Variants in NRXN1 observed in about 807,000 individuals in gnomAD.
NRXN1 encodes the protein neurexin 1.
In NRXN1, 39 loss-of-function variants were observed where a neutral mutation model predicts 150.9. The observed-to-expected ratio is 0.26, with a 90% CI of 0.20 to 0.34. NRXN1 has a LOEUF of 0.34. Ranked by LOEUF, NRXN1 falls within the 10% of genes least tolerant of loss-of-function variation. The pLI is 1.00. For synonymous variants in NRXN1, 924 were observed against 757.0 expected (o/e 1.22, Z -3.62); for missense variants, 1,815 against 1,949.9 (o/e 0.93, Z 1.30).
At position 50,375,980 on chromosome 2, in the gene NRXN1, G is replaced by A. The variant is rs538410403; in HGVS notation, c.3364+89462C>T. Among the ~76,000 whole-genome samples the A allele has an allele frequency of 1.7e-3, 259 of 151,672 alleles. 2 individuals are homozygous for A. Among genetic ancestry groups the A allele is most frequent in the Non-Finnish European group, 3.2e-3 (220 of 67,880 alleles). Reference sequence around the variant, plus strand: ...AGAACGATATAGTCTTAGCTCTGGAGGACAAAATATTCTCTACTTGGACCC... The same window carrying A: ...AGAACGATATAGTCTTAGCTCTGGAAGACAAAATATTCTCTACTTGGACCC... On this transcript the variant is annotated intron_variant, in intron 17 of 22. Transcript: ENST00000401669.
intron 17 of NRXN1, among the ~76,000 whole-genome samples, chr2:50,380,686 A>C (rs190307330): frequency 6.6e-6 from 1 of 152,222 alleles, no homozygotes; most frequent in Non-Finnish European, 1.5e-5. Context: ...TGCACTCAAT[A>C]AATGATAGCA....
chr2:50,418,800 C>T lies in NRXN1; in HGVS notation c.3364+46642G>A, dbSNP rs184792707. Among the ~76,000 whole-genome samples, 592 of 151,840 alleles carry T rather than the reference C, an allele frequency of 3.9e-3. 5 individuals carry two copies. Among genetic ancestry groups the T allele is most frequent in the African/African-American group, 0.013 (551 of 41,436 alleles). On this transcript the variant is annotated intron_variant, in intron 17 of 22. Transcript: ENST00000401669. The stretch of plus-strand genomic sequence containing the variant: ...CATATATTTTTAAATACCTTAGATG[C>T]TATAGTAATAAAAATATTAAAATAT...
Position 50,250,944 on chromosome 2 carries a change from T to C in NRXN1, c.3365-13974A>G, listed in dbSNP as rs202198778. On this transcript the variant is annotated intron_variant, in intron 17 of 22. Transcript: ENST00000401669. ...TTGCATATGTAATAAATTTATTACA[T>C]ATGGCATATGTAATAAATTTATTAC... Among the ~76,000 whole-genome samples, 579 of 149,872 alleles carry C rather than the reference T, an allele frequency of 3.9e-3. 2 individuals carry two copies. Among genetic ancestry groups the C allele is most frequent in the African/African-American group, 0.012 (504 of 41,090 alleles).
At chr2:50,481,756 G>GTTTTTT (rs1553677617) in intron 15 of NRXN1, among the ~76,000 whole-genome samples, 2 of 67,660 alleles carry the variant, frequency 3.0e-5, no homozygotes, top group Admixed American at 1.6e-4. Flanking sequence ...CTGAACTTTT[G>GTTTTTT]TTTCTTTTTT....
intron 2 of NRXN1, chr2:50,964,019 A>T (rs1328958718): frequency 2.3e-6 from 1 of 431,760 alleles, no homozygotes; most frequent in Non-Finnish European, 4.6e-6. Context: ...GCTAATCAGC[A>T]TTTAATTTTT....
intron 17 of NRXN1, among the ~76,000 whole-genome samples, chr2:50,274,916 T>G (rs2070237017): frequency 1.3e-5 from 2 of 152,212 alleles, no homozygotes; most frequent in Non-Finnish European, 2.9e-5. Context: ...AGATTTTCTC[T>G]GTATACTTAA....
intron 3 of NRXN1, chr2:50,923,555 C>T (rs1218309580): frequency 5.2e-6 from 1 of 192,762 alleles, no homozygotes; most frequent in Non-Finnish European, 1.1e-5. Context: ...AATAATACTA[C>T]TAACATGCTT....
chr2:50,031,448 A>T (rs1689165937), intron 21 of NRXN1, among the ~76,000 whole-genome samples: 1 of 152,094 alleles, frequency 6.6e-6, no homozygotes, highest in African/African-American at 2.4e-5. Context: ...CAATTTCAGA[A>T]ATTATCTGTA....
chr2:50,244,808 T>C (rs1012852660), intron 17 of NRXN1, among the ~76,000 whole-genome samples: 1 of 151,918 alleles, frequency 6.6e-6, no homozygotes, highest in Admixed American at 6.6e-5. Flanking sequence ...ATTTGTCAAA[T>C]ATTTGACAAA....
chr2:50,486,305 T>C (rs2090869270), intron 15 of NRXN1, among the ~76,000 whole-genome samples: 1 of 152,158 alleles, frequency 6.6e-6, no homozygotes, highest in Non-Finnish European at 1.5e-5. Flanking sequence ...TATTATATCT[T>C]TGAACAGAGA....
intron 18 of NRXN1, among the ~76,000 whole-genome samples, chr2:50,119,077 T>C (rs1234874736): frequency 6.6e-6 from 1 of 152,072 alleles, no homozygotes; most frequent in Non-Finnish European, 1.5e-5. Flanking sequence ...CTGTAAGAGC[T>C]TTGTGCTGCT....
At chr2:50,302,161 C>A (rs931649010) in intron 17 of NRXN1, among the ~76,000 whole-genome samples, 51 of 152,062 alleles carry the variant, frequency 3.4e-4, no homozygotes, top group Middle Eastern at 3.4e-3. Flanking sequence ...AGTTTTGTGG[C>A]AATTTTATGA....
chr2:50,321,705 T>G (rs1322997290), intron 17 of NRXN1, among the ~76,000 whole-genome samples: 2 of 152,108 alleles, frequency 1.3e-5, no homozygotes, highest in Non-Finnish European at 2.9e-5. Context: ...TGACAAAAAT[T>G]AGCAGTTATT....
chr2:50,676,603 C>T (rs1057294278), intron 5 of NRXN1, among the ~76,000 whole-genome samples: 4 of 152,152 alleles, frequency 2.6e-5, no homozygotes, highest in Middle Eastern at 3.2e-3. Flanking sequence ...ATACAAACTG[C>T]TTCAGGCAGC....
rs1435681858 is a variant in NRXN1 at position 50,278,248 on chromosome 2, A to ATGTAT, written c.3365-41279_3365-41278insATACA. Among the ~76,000 whole-genome samples the ATGTAT allele has an allele frequency of 1.1e-3, 121 of 112,602 alleles. 1 individual carries two copies. Among genetic ancestry groups the ATGTAT allele is most frequent in the Admixed American group, 1.8e-3 (16 of 8,744 alleles). 73.9% of individuals were successfully genotyped at this position (112,602 alleles called of 152,430 possible). On this transcript the variant is annotated intron_variant, in intron 17 of 22. Coordinates refer to ENST00000401669, the MANE Select transcript of NRXN1 (RefSeq NM_001330078.2). The stretch of plus-strand genomic sequence containing the variant: ...TGGCTTTTATATATATATAATATAT[A>ATGTAT]TATATATTATATATATTATATATGT...
intron 18 of NRXN1, among the ~76,000 whole-genome samples, chr2:50,235,370 C>T (rs2065319065): frequency 6.6e-6 from 1 of 151,920 alleles, no homozygotes; most frequent in African/African-American, 2.4e-5. Context: ...TTCCAGAGTT[C>T]CCCTCTTGAG....
chr2:50,172,397 G>GA (rs1215477522), intron 18 of NRXN1, among the ~76,000 whole-genome samples: 1 of 152,064 alleles, frequency 6.6e-6, no homozygotes, highest in Non-Finnish European at 1.5e-5. Flanking sequence ...TCTCTAGCTT[G>GA]ATGTTCTTCT....
At chr2:50,259,445 C>T (rs1474534270) in intron 17 of NRXN1, among the ~76,000 whole-genome samples, 1 of 151,798 alleles carries the variant, frequency 6.6e-6, no homozygotes, top group Non-Finnish European at 1.5e-5. Flanking sequence ...TACCTTCCTC[C>T]AGGTAAGCAT....
chr2:50,903,803 T>G (rs530079116), intron 5 of NRXN1, among the ~76,000 whole-genome samples: 2 of 152,280 alleles, frequency 1.3e-5, no homozygotes, highest in East Asian at 3.9e-4. Context: ...AGGATAAAAT[T>G]GAACTTCTGT....
Sources: allele counts gnomAD v4.1 joint callset (sites outside exome capture counted in the v4.1 genomes callset), GRCh38; gene constraint gnomAD v4.1.1; transcripts MANE v1.5; gene names NCBI Gene and HGNC (gene_info 2026-07-23, HGNC 2026-07-21).